CBFA2T3: variants seen among roughly 807,000 people sequenced by gnomAD.
CBFA2T3 encodes the protein CBFA2/RUNX1 partner transcriptional co-repressor 3, also known as transcriptional corepressor CBFA2T3.
In CBFA2T3, 31 loss-of-function variants were observed where a neutral mutation model predicts 58.6. The ratio of observed to expected loss-of-function variants is 0.53; its 90% CI spans 0.40 to 0.71. The LOEUF (loss-of-function observed/expected upper bound fraction) is 0.71, where lower values mean the gene tolerates loss of function less well. Ranked by LOEUF, CBFA2T3 falls within the 30% of genes least tolerant of loss-of-function variation. The pLI is 0.00. For missense variants in CBFA2T3, 1,076 were observed against 963.1 expected (o/e 1.12, Z -1.55); for synonymous variants, 531 against 421.9 (o/e 1.26, Z -3.17).
chr16:88,892,440 G>T lies in CBFA2T3; in HGVS notation c.425C>A (p.Pro142Gln). 2 of 1,613,270 alleles carry T rather than the reference G, an allele frequency of 1.2e-6. No individual in the cohort carries two copies. The highest frequency in any genetic ancestry group is 1.7e-6 in the Non-Finnish European group (2 of 1,179,854). The change falls in exon 4 of 12, where the codon CCG becomes CAG. Residue 142 changes from proline to glutamine, a missense_variant. Physicochemically the swap from Pro to Gln is moderately conservative, Grantham distance 76. Coordinates refer to ENST00000268679, the MANE Select transcript of CBFA2T3 (RefSeq NM_005187.6). ...ATTGCTGAAGCCGTTGGGTGTGCAC[G>T]GTGCACCATTGATGGCTGTTGGTGA... is the stretch of plus-strand genomic sequence containing the variant. ...SHSPTAINGA[P>Q]CTPNGFSNGP... is the part of the protein sequence containing the mutation.
chr16:88,904,981 C>T (rs1026222924), intron 1 of CBFA2T3, among the ~76,000 whole-genome samples: 1 of 152,138 alleles, frequency 6.6e-6, no homozygotes, highest in Non-Finnish European at 1.5e-5. Context: ...TGGCGCTGCC[C>T]CTGGCACAGA....
chr16:88,908,657 T>C (rs1970420001), intron 1 of CBFA2T3, among the ~76,000 whole-genome samples: 1 of 152,190 alleles, frequency 6.6e-6, no homozygotes, highest in African/African-American at 2.4e-5. Context: ...GGAGGACCCA[T>C]GGACACCAGT....
chr16:88,881,380 T>C lies in CBFA2T3; in HGVS notation c.1313A>G (p.Tyr438Cys), dbSNP rs1393917411. ...REELNHWARR[Y>C]SDAEDTKKGP... is the part of the protein sequence containing the mutation. The stretch of plus-strand genomic sequence containing the variant: ...CTTCTTTGTGTCCTCGGCGTCGCTG[T>C]AGCGCCGCGCCCAGTGGTTGAGCTC... The change falls in exon 9 of 12, where the codon TAC (tyrosine) becomes TGC (cysteine). Residue 438 changes from tyrosine to cysteine, a missense_variant. Tyr to Cys is a radical substitution (Grantham distance 194, BLOSUM62 -2). Transcript: ENST00000268679. 15 of 1,595,646 alleles carry C rather than the reference T, an allele frequency of 9.4e-6. No homozygotes were observed. Among genetic ancestry groups the C allele is most frequent in the East Asian group, 4.5e-5 (2 of 44,056 alleles).
At position 88,881,128 on chromosome 16, in the gene CBFA2T3, G is replaced by A. The variant is rs886295689; in HGVS notation, c.1402+163C>T. The A allele has an allele frequency of 2.5e-5, 19 of 764,176 alleles. No homozygotes were observed. In the African/African-American group the frequency reaches 2.9e-4, roughly 12 times the overall value. The allele number at this position is 764,176 out of a possible 1,614,324, so 47.3% of individuals were successfully genotyped here. A position where few individuals can be genotyped will look rare whatever the true frequency, so the allele number is the denominator to read the frequency against. ...AGACGCTCTGAGCTCCAGGCTTCCT[G>A]GCAGACCAGCCCGTGTTTTCCTACA... On this transcript the variant is annotated intron_variant, in intron 9 of 11. Coordinates refer to ENST00000268679, the MANE Select transcript of CBFA2T3 (RefSeq NM_005187.6).
At chr16:88,965,499 C>A (rs1972478563) in intron 1 of CBFA2T3, among the ~76,000 whole-genome samples, 1 of 152,258 alleles carries the variant, frequency 6.6e-6, no homozygotes, top group Non-Finnish European at 1.5e-5. Context: ...GCGCCAGCCA[C>A]AGGCCCCGAA....
chr16:88,942,039 C>T (rs927914129), intron 1 of CBFA2T3, among the ~76,000 whole-genome samples: 10 of 152,064 alleles, frequency 6.6e-5, no homozygotes, highest in Non-Finnish European at 1.0e-4. Flanking sequence ...CGATGCGAAG[C>T]CCTCGCTTCC....
chr16:88,943,283 C>G (rs115946110), intron 1 of CBFA2T3, among the ~76,000 whole-genome samples: 2,037 of 152,272 alleles, frequency 0.013, 45 homozygotes, highest in African/African-American at 0.044. Flanking sequence ...GGACCTGGGC[C>G]GGAAGCCCTC....
At position 88,919,076 on chromosome 16, in the gene CBFA2T3, C is replaced by T. The variant is rs1014550590; in HGVS notation, c.152-17420G>A. 1.5e-4 allele frequency among the ~76,000 whole-genome samples: 23 copies of T among 152,304 alleles called. No homozygotes were observed. The East Asian group carries it at 3.3e-3, about 22-fold the overall frequency. Reference sequence around the variant, plus strand: ...TCTGCCCTGGCATGTTTATACTGGTCGAAGCAAGCATTAGGTCACGGCCTG... The same window carrying T: ...TCTGCCCTGGCATGTTTATACTGGTTGAAGCAAGCATTAGGTCACGGCCTG... On this transcript the variant is annotated intron_variant, in intron 1 of 11. Transcript: ENST00000268679.
chr16:88,914,700 G>A (rs1970635659), intron 1 of CBFA2T3, among the ~76,000 whole-genome samples: 1 of 152,190 alleles, frequency 6.6e-6, no homozygotes, highest in Non-Finnish European at 1.5e-5. Context: ...CCTGTGGACA[G>A]TGCCCAGGGC....
At chr16:88,962,457 G>C (rs1355185695) in intron 1 of CBFA2T3, among the ~76,000 whole-genome samples, 1 of 152,232 alleles carries the variant, frequency 6.6e-6, no homozygotes, top group African/African-American at 2.4e-5. Flanking sequence ...TCCTGTGGGG[G>C]ACGCTGAGGC....
Position 88,958,165 on chromosome 16 carries a change from C to T in CBFA2T3, c.151+18492G>A, listed in dbSNP as rs991313528. 1.3e-5 allele frequency among the ~76,000 whole-genome samples: 2 copies of T among 152,206 alleles called. No homozygotes were observed. Among genetic ancestry groups the T allele is most frequent in the African/African-American group, 4.8e-5 (2 of 41,452 alleles). On this transcript the variant is annotated intron_variant, in intron 1 of 11. Transcript: ENST00000268679. The surrounding 1 kb of genome is among the most constrained non-coding windows in gnomAD (Gnocchi z 4.0). ...GCACACCCACGAGGCCGTAGGAAGCCTGGTCAGGCTGTCGGGGCCTCAGAC... is the reference window on the plus strand; with the variant it reads ...GCACACCCACGAGGCCGTAGGAAGCTTGGTCAGGCTGTCGGGGCCTCAGAC...
intron 1 of CBFA2T3, among the ~76,000 whole-genome samples, chr16:88,922,528 C>T (rs755042939): frequency 6.6e-6 from 1 of 152,252 alleles, no homozygotes; most frequent in Non-Finnish European, 1.5e-5. Context: ...GTCCCAGGGC[C>T]TGGCCATGCT....
At chr16:88,975,519 T>G (rs1180153559) in intron 1 of CBFA2T3, among the ~76,000 whole-genome samples, 1 of 152,236 alleles carries the variant, frequency 6.6e-6, no homozygotes, top group Admixed American at 6.5e-5. Context: ...CCAAGGCCAC[T>G]CAGCGCCAGG....
chr16:88,924,011 A>T (rs1292788323), intron 1 of CBFA2T3, among the ~76,000 whole-genome samples: 1 of 152,212 alleles, frequency 6.6e-6, no homozygotes, highest in African/African-American at 2.4e-5. Flanking sequence ...CGACCCAGCC[A>T]TGGTTACAGC....
chr16:88,962,260 A>C (rs1274247154), intron 1 of CBFA2T3, among the ~76,000 whole-genome samples: 1 of 152,242 alleles, frequency 6.6e-6, no homozygotes, highest in Non-Finnish European at 1.5e-5. Flanking sequence ...CGGCTTTCCC[A>C]CTCCATAGTA....
intron 1 of CBFA2T3, among the ~76,000 whole-genome samples, chr16:88,947,288 A>T (rs938815747): frequency 2.0e-5 from 3 of 152,250 alleles, no homozygotes; most frequent in African/African-American, 7.2e-5. Context: ...AATTCAGCAG[A>T]CAAAAATGAG....
intron 1 of CBFA2T3, among the ~76,000 whole-genome samples, chr16:88,913,508 A>G (rs1223670700): frequency 6.6e-6 from 1 of 152,194 alleles, no homozygotes; most frequent in African/African-American, 2.4e-5. Flanking sequence ...CTGAGAGACA[A>G]TCAAATTTCA....
intron 1 of CBFA2T3, among the ~76,000 whole-genome samples, chr16:88,965,468 TAGA>T (rs1466789792): frequency 6.6e-6 from 1 of 152,236 alleles, no homozygotes; most frequent in Non-Finnish European, 1.5e-5. Flanking sequence ...GCCTTTGGTT[TAGA>T]AGGATACTTG....
At position 88,901,670 on chromosome 16, in the gene CBFA2T3, A is replaced by G; in HGVS notation, c.152-14T>C. On this transcript the variant is annotated splice_polypyrimidine_tract_variant and intron_variant, in intron 1 of 11. Transcript: ENST00000268679. ...TGTCCACTGGGGCTGCGACCAACGGAGAAAGAAAGAGTCGGTGAAGCAGGC... is the reference window on the plus strand; with the variant it reads ...TGTCCACTGGGGCTGCGACCAACGGGGAAAGAAAGAGTCGGTGAAGCAGGC... The G allele has an allele frequency of 6.6e-7, 1 of 1,518,190 alleles. No individual in the cohort carries two copies. The highest frequency in any genetic ancestry group is 1.3e-5 in the South Asian group (1 of 76,310). The allele number at this position is 1,518,190 out of a possible 1,614,324, so 94.0% of individuals were successfully genotyped here.
Sources: gnomAD v4.1 joint callset for allele counts (sites outside exome capture counted in the v4.1 genomes callset) on GRCh38, gnomAD v4.1.1 for gene constraint, Gnocchi (gnomAD v3.1) non-coding constraint, MANE v1.5 for transcripts, NCBI Gene and HGNC (gene_info 2026-07-23, HGNC 2026-07-21) for gene names.